Variants in ZDHHC13 observed in about 807,000 individuals in gnomAD.
ZDHHC13 encodes palmitoyltransferase ZDHHC13.
ZDHHC13 carries 85 observed loss-of-function variants against 86.0 expected under a neutral mutation model. The observed-to-expected ratio is 0.99, with a 90% CI of 0.83 to 1.18. ZDHHC13 has a LOEUF of 1.18. Ranked by LOEUF, ZDHHC13 falls within the 50% of genes most tolerant of loss-of-function variation. ZDHHC13 has a pLI of 0.00. For missense variants in ZDHHC13, 711 were observed against 730.2 expected (o/e 0.97, Z 0.30); for synonymous variants, 263 against 246.4 (o/e 1.07, Z -0.63).
chr11:19,125,189 C>T (rs1848847966), intron 1 of ZDHHC13, among the ~76,000 whole-genome samples: 1 of 152,128 alleles, frequency 6.6e-6, no homozygotes, highest in Non-Finnish European at 1.5e-5. Context: ...AGGTAAGGTA[C>T]AGACCAGGAG....
At chr11:19,136,940 A>C (rs1390781583) in intron 1 of ZDHHC13, among the ~76,000 whole-genome samples, 1 of 152,190 alleles carries the variant, frequency 6.6e-6, no homozygotes, top group Non-Finnish European at 1.5e-5. Flanking sequence ...AAGGAACAAC[A>C]GATACCAGCC....
chr11:19,127,531 A>G (rs747359207), intron 1 of ZDHHC13, among the ~76,000 whole-genome samples: 17 of 152,100 alleles, frequency 1.1e-4, no homozygotes, highest in Admixed American at 6.5e-5. Context: ...GCCCATTCCT[A>G]TATCCAGGAT....
chr11:19,117,370 G>T lies in ZDHHC13; in HGVS notation c.27+94G>T. 2 of 1,279,542 alleles carry T rather than the reference G, an allele frequency of 1.6e-6. No individual in the cohort carries two copies. Among genetic ancestry groups the T allele is most frequent in the Non-Finnish European group, 2.0e-6 (2 of 976,830 alleles). 79.3% of individuals were successfully genotyped at this position (1,279,542 alleles called of 1,614,324 possible). Reference sequence around the variant, plus strand: ...GTGTGGGTGAGAGGCCGCTCGATGAGGGGGTTTCGGGAGCGGCGGGGCCTA... The same window carrying T: ...GTGTGGGTGAGAGGCCGCTCGATGATGGGGTTTCGGGAGCGGCGGGGCCTA... On this transcript the variant is annotated intron_variant, in intron 1 of 16. Coordinates refer to ENST00000446113, the MANE Select transcript of ZDHHC13 (RefSeq NM_019028.3). The surrounding 1 kb of genome is among the most constrained non-coding windows in gnomAD (Gnocchi z 4.2).
chr11:19,155,927 A>G lies in ZDHHC13; in HGVS notation c.1005A>G (p.Pro335=). 6.2e-7 allele frequency: 1 copy of G among 1,604,252 alleles called. No individual in the cohort carries two copies. Residue 335 remains proline (P), a splice_region_variant and synonymous_variant, in exon 9 of 17, where the codon CCA becomes CCG. Transcript: ENST00000446113. ...VTLFFLTSLF[P]RFLVGYKNLV... is the part of the protein sequence containing the mutation. ...TGTTTTTTCTGACATCTTTGTTTCC[A>G]AGGTGTGTATGTTAATTTTTGCAAG...
intron 1 of ZDHHC13, among the ~76,000 whole-genome samples, chr11:19,126,979 A>G (rs2133365875): frequency 6.6e-6 from 1 of 152,310 alleles, no homozygotes; most frequent in South Asian, 2.1e-4. Context: ...TATACCCAGT[A>G]ATGGGATTGC....
At position 19,147,593 on chromosome 11, in the gene ZDHHC13, CAG is replaced by C; in HGVS notation, c.297-2_297-1del. ...TACTTTCATTTGTGTCTGCTTTTAACAGGTTTTATATTTCAAAAGGTGCTGTT... is the reference window on the plus strand; with the variant it reads ...TACTTTCATTTGTGTCTGCTTTTAACGTTTTATATTTCAAAAGGTGCTGTT... On this transcript the variant is annotated splice_acceptor_variant, in intron 3 of 16. Transcript: ENST00000446113. LOFTEE classifies it high-confidence loss of function. The C allele has an allele frequency of 6.3e-7, 1 of 1,588,258 alleles. No homozygotes were observed. Among genetic ancestry groups the C allele is most frequent in the South Asian group, 1.2e-5 (1 of 86,920 alleles).
intron 1 of ZDHHC13, among the ~76,000 whole-genome samples, chr11:19,141,675 C>CTTTTTTTTTTT (rs34963467): frequency 7.1e-6 from 1 of 140,376 alleles, no homozygotes. Context: ...TTTTTGTGGG[C>CTTTTTTTTTTT]TTTTTTTTTT....
At chr11:19,124,537 A>AT (rs201384320) in intron 1 of ZDHHC13, among the ~76,000 whole-genome samples, 182 of 151,886 alleles carry the variant, frequency 1.2e-3, no homozygotes, top group African/African-American at 3.8e-3. Context: ...AAATACACTG[A>AT]TTTTTTTTGT....
chr11:19,145,288 TCTTA>T (rs1356960364), intron 2 of ZDHHC13, among the ~76,000 whole-genome samples: 1 of 152,210 alleles, frequency 6.6e-6, no homozygotes, highest in Non-Finnish European at 1.5e-5. Flanking sequence ...ATTGCTTCAC[TCTTA>T]CTTTAGGCTC....
intron 10 of ZDHHC13, among the ~76,000 whole-genome samples, chr11:19,161,243 C>A (rs1016493885): frequency 4.0e-5 from 6 of 151,894 alleles, no homozygotes; most frequent in African/African-American, 1.2e-4. Flanking sequence ...TGGAAGAAGA[C>A]AAAACGATTT....
intron 16 of ZDHHC13, among the ~76,000 whole-genome samples, chr11:19,173,305 A>G (rs1353170010): frequency 6.6e-6 from 1 of 152,120 alleles, no homozygotes; most frequent in Non-Finnish European, 1.5e-5. Context: ...AATTTTTCAG[A>G]TTTGGATTTG....
chr11:19,132,422 T>G (rs1849021536), intron 1 of ZDHHC13, among the ~76,000 whole-genome samples: 1 of 152,210 alleles, frequency 6.6e-6, no homozygotes. Context: ...TTGAACATCT[T>G]CCTGCTACGT....
chr11:19,166,622 A>G, intron 14 of ZDHHC13: 1 of 332,476 alleles, frequency 3.0e-6, no homozygotes, highest in Non-Finnish European at 5.4e-6. Flanking sequence ...AGTCAAAAAT[A>G]GAAATTCATT....
chr11:19,123,875 A>T (rs1034126140), intron 1 of ZDHHC13, among the ~76,000 whole-genome samples: 7 of 152,176 alleles, frequency 4.6e-5, no homozygotes, highest in African/African-American at 1.7e-4. Flanking sequence ...TCAAAGTGTC[A>T]AGGTTGTAAA....
chr11:19,164,762 G>A (rs1850011669), intron 12 of ZDHHC13: 4 of 431,922 alleles, frequency 9.3e-6, no homozygotes, highest in African/African-American at 2.0e-5. Context: ...AATGGAACTT[G>A]GGTTTCCTTC....
chr11:19,153,257 A>T (rs1248245702), intron 8 of ZDHHC13, among the ~76,000 whole-genome samples: 1 of 152,178 alleles, frequency 6.6e-6, no homozygotes, highest in African/African-American at 2.4e-5. Context: ...AAACTTTAAA[A>T]TGAACTGAAT....
Position 19,117,711 on chromosome 11 carries a change from G to A in ZDHHC13, c.27+435G>A. 5.9e-6 allele frequency: 1 copy of A among 170,816 alleles called. No homozygotes were observed. Among genetic ancestry groups the A allele is most frequent in the Non-Finnish European group, 1.2e-5 (1 of 80,660 alleles). The allele number at this position is 170,816 out of a possible 1,614,324, so 10.6% of individuals were successfully genotyped here. ...TTTCAGCCCTGGCGTCTTAGCACCCGCCTTCACCCCACCCAGTCCAGTTTT... is the reference window on the plus strand; with the variant it reads ...TTTCAGCCCTGGCGTCTTAGCACCCACCTTCACCCCACCCAGTCCAGTTTT... On this transcript the variant is annotated intron_variant, in intron 1 of 16. Coordinates refer to ENST00000446113, the MANE Select transcript of ZDHHC13 (RefSeq NM_019028.3). This position sits in a 1 kb window ranked among gnomAD's most constrained non-coding sequence, Gnocchi z 4.2.
chr11:19,157,074 G>C (rs1301923695), intron 9 of ZDHHC13, among the ~76,000 whole-genome samples: 1 of 152,220 alleles, frequency 6.6e-6, no homozygotes, highest in African/African-American at 2.4e-5. Context: ...TTTGTCTGAA[G>C]TGTTGTGACA....
At chr11:19,147,538 T>C (rs548431452) in intron 3 of ZDHHC13, 58 bp from the exon 4 acceptor site, 130 of 1,429,082 alleles carry the variant, frequency 9.1e-5, no homozygotes, top group Non-Finnish European at 1.2e-4. Flanking sequence ...AGTATTTTCT[T>C]TCTCAATATG....
Sources: allele counts gnomAD v4.1 joint callset (sites outside exome capture counted in the v4.1 genomes callset), GRCh38; gene constraint gnomAD v4.1.1; non-coding constraint Gnocchi (gnomAD v3.1); transcripts MANE v1.5; gene names NCBI Gene and HGNC (gene_info 2026-07-23, HGNC 2026-07-21).